The following RPS20 variants were observed in gnomAD, a reference collection of about 807,000 sequenced individuals.
The protein encoded by RPS20 is ribosomal protein S20.
Under a neutral mutation model 15.3 loss-of-function variants are expected in RPS20, and 3 were observed. The observed-to-expected ratio is 0.20, with a 90% CI of 0.09 to 0.51. The LOEUF (loss-of-function observed/expected upper bound fraction) is 0.51, where lower values mean the gene tolerates loss of function less well. Ranked by LOEUF, RPS20 falls within the 20% of genes least tolerant of loss-of-function variation. The pLI is 0.96. For missense variants in RPS20, 67 were observed against 145.9 expected, an observed-to-expected ratio of 0.46 and a Z score of 2.79; for synonymous variants, 62 against 47.8, an observed-to-expected ratio of 1.30 and a Z score of -1.23.
At chr8:56,074,296 G>A (rs770502376) in intron 1 of RPS20, 85 bp downstream of exon 1, 31 of 1,540,064 alleles carry the variant, frequency 2.0e-5, no homozygotes, top group South Asian at 5.7e-5. Flanking sequence ...CCCGGCATCT[G>A]CCCTCAGGAG....
chr8:56,074,396 C>A lies in RPS20; in HGVS notation c.-13G>T. 1 of 1,558,988 alleles carries A rather than the reference C, an allele frequency of 6.4e-7. No homozygotes were observed. The highest frequency in any genetic ancestry group is 1.2e-5 in the South Asian group (1 of 86,846). On this transcript the variant is annotated 5_prime_UTR_variant, in exon 1 of 4. Transcript: ENST00000009589. ...GCCGCCTCACCATGGCTGTTGCGCG[C>A]GGGCTTCCTGACCGACTTGTTCCTC...
rs1355712438 is a variant in RPS20, at chr8:56,074,371, G to A, written c.3+10C>T. 1.3e-6 allele frequency: 2 copies of A among 1,557,312 alleles called. No individual in the cohort carries two copies. Among genetic ancestry groups the A allele is most frequent in the Admixed American group, 1.8e-5 (1 of 54,510 alleles). Reference sequence around the variant, plus strand: ...TGCGTTGCGCCGCCCGCCGCCGACTGCCGCCTCACCATGGCTGTTGCGCGC... The same window carrying A: ...TGCGTTGCGCCGCCCGCCGCCGACTACCGCCTCACCATGGCTGTTGCGCGC... On this transcript the variant is annotated intron_variant, in intron 1 of 3. Transcript: ENST00000009589.
At chr8:56,069,736 A>G (rs1224556324), downstream of RPS20, 1 of 1,551,476 alleles carries the variant, frequency 6.4e-7, no homozygotes, top group African/African-American at 1.4e-5. Context: ...AGGAGAATGC[A>G]GTTAAAAAGG....
At chr8:56,067,857 ATGGTTCAGGG>A (rs1179457242) in exon 6 of RPS20, 1 of 152,198 alleles carries the variant, frequency 6.6e-6, no homozygotes, top group African/African-American at 2.4e-5. Flanking sequence ...GTGGTTGCCA[ATGGTTCAGGG>A]TGAAAAAAAA....
chr8:56,074,310 G>A, intron 1 of RPS20, 71 bp downstream of exon 1: 3 of 1,546,128 alleles, frequency 1.9e-6, no homozygotes, highest in Middle Eastern at 1.7e-4. Flanking sequence ...TCAGGAGCAC[G>A]AACTCGAAAC....
downstream of RPS20, chr8:56,072,803 T>G (rs757126738): frequency 1.8e-4 from 186 of 1,043,738 alleles, no homozygotes; most frequent in Non-Finnish European, 2.1e-4. Context: ...CCCAGAAACC[T>G]TAACACCCCA....
chr8:56,074,094 G>A lies in RPS20; in HGVS notation c.69C>T (p.Thr23=), dbSNP rs1804366. ...AGGATTTTACGTTGCGGCTTGTTAG[G>A]GTGATTCGAATTCGGTGAATTGCCA... is the stretch of plus-strand genomic sequence containing the variant. ...PEVAIHRIRI[T]LTSRNVKSLE... Residue 23 remains threonine, a synonymous_variant, in exon 2 of 4, where the codon ACC becomes ACT. Coordinates refer to ENST00000009589, the MANE Select transcript of RPS20 (RefSeq NM_001023.4). 1 of 1,613,820 alleles carries A rather than the reference G, an allele frequency of 6.2e-7. No individual in the cohort carries two copies. Among genetic ancestry groups the A allele is most frequent in the Non-Finnish European group, 8.5e-7 (1 of 1,179,978 alleles).
chr8:56,074,000 A>G, intron 2 of RPS20, 60 bp downstream of exon 2: 1 of 1,321,404 alleles, frequency 7.6e-7, no homozygotes. Flanking sequence ...AACATTAACG[A>G]GTAAAGCTCG....
downstream of RPS20, among the ~76,000 whole-genome samples, chr8:56,070,462 A>G (rs1809721252): frequency 6.6e-6 from 1 of 152,194 alleles, no homozygotes; most frequent in Non-Finnish European, 1.5e-5. Context: ...CAGTCTGGGT[A>G]TAGTGGCTCT....
chr8:56,069,684 G>A, downstream of RPS20: 1 of 1,456,822 alleles, frequency 6.9e-7, no homozygotes, highest in East Asian at 2.5e-5. Context: ...TTCAGCTTTG[G>A]CTGTTTCTCC....
chr8:56,073,926 T>C (rs1404062269), intron 2 of RPS20, 134 bp downstream of exon 2: 10 of 1,102,462 alleles, frequency 9.1e-6, no homozygotes, highest in Non-Finnish European at 1.3e-5. Flanking sequence ...AAAGCAATTT[T>C]AAGCCACGCT....
downstream of RPS20, among the ~76,000 whole-genome samples, chr8:56,071,765 C>T (rs948840292): frequency 2.6e-5 from 4 of 152,146 alleles, no homozygotes; most frequent in Non-Finnish European, 5.9e-5. Context: ...CAGAGTTCAG[C>T]GTGAAAGCCT....
chr8:56,070,050 A>T (rs1809708775), downstream of RPS20, among the ~76,000 whole-genome samples: 1 of 152,152 alleles, frequency 6.6e-6, no homozygotes, highest in Non-Finnish European at 1.5e-5. Flanking sequence ...GAACTTCCTC[A>T]ATTTTGGTAT....
chr8:56,069,547 C>T (rs781471046), downstream of RPS20, among the ~76,000 whole-genome samples: 1 of 152,194 alleles, frequency 6.6e-6, no homozygotes, highest in Admixed American at 6.5e-5. Flanking sequence ...GATCCGCCCA[C>T]CTTGGCCTCC....
chr8:56,072,190 G>C (rs1356355682), downstream of RPS20, among the ~76,000 whole-genome samples: 3 of 152,178 alleles, frequency 2.0e-5, no homozygotes, highest in East Asian at 5.8e-4. Flanking sequence ...TCACACCACT[G>C]CACTCCAGCC....
At position 56,074,039 on chromosome 8, in the gene RPS20, C is replaced by A. The variant is rs199506982; in HGVS notation, c.103+21G>T. On this transcript the variant is annotated intron_variant, in intron 2 of 3. Coordinates refer to ENST00000009589, the MANE Select transcript of RPS20 (RefSeq NM_001023.4). ...CTTTTCGCCCAATTCCCCCTCCCCC[C>A]CGCATAACGAATGCACTGACCCTTT... 167 of 1,587,116 alleles carry A rather than the reference C, an allele frequency of 1.1e-4. 1 individual carries two copies. The African/African-American group carries it at 2.1e-3, about 20-fold the overall frequency.
downstream of RPS20, among the ~76,000 whole-genome samples, chr8:56,070,538 C>T (rs9942765): frequency 0.094 from 14,204 of 151,888 alleles, 1,283 homozygotes; most frequent in African/African-American, 0.24. Context: ...GAGTTTGAGA[C>T]CAGCCTGGGC....
exon 6 of RPS20, chr8:56,067,596 G>A (rs966486612): frequency 1.3e-5 from 2 of 151,772 alleles, no homozygotes; most frequent in Non-Finnish European, 2.9e-5. Context: ...TGAGGCAGGA[G>A]AATGGCATGA....
downstream of RPS20, chr8:56,069,616 C>T (rs545906419): frequency 4.7e-4 from 461 of 974,666 alleles, 1 homozygote; most frequent in Non-Finnish European, 6.6e-4. Context: ...CTCTTACTTT[C>T]AAAAGATAAA....
Sources: gnomAD v4.1 joint callset for allele counts (sites outside exome capture counted in the v4.1 genomes callset) on GRCh38, gnomAD v4.1.1 for gene constraint, MANE v1.5 for transcripts, NCBI Gene and HGNC (gene_info 2026-07-23, HGNC 2026-07-21) for gene names.